The following CSMD2 variants were observed in gnomAD, a reference collection of about 807,000 sequenced individuals.
The protein encoded by CSMD2 is CUB and Sushi multiple domains 2.
Under a neutral mutation model 398.5 loss-of-function variants are expected in CSMD2, and 130 were observed. The observed-to-expected ratio is 0.33, with a 90% CI of 0.28 to 0.38. The LOEUF (loss-of-function observed/expected upper bound fraction) is 0.38. CSMD2 is among the 10% of genes least tolerant of loss of function. CSMD2 has a pLI of 1.00. For synonymous variants in CSMD2, 1,828 were observed against 1,908.5 expected, an observed-to-expected ratio of 0.96 and a Z score of 1.10; for missense variants, 3,829 against 4,764.9, an observed-to-expected ratio of 0.80 and a Z score of 5.78.
chr1:33,980,326 A>T (rs184963519), intron 3 of CSMD2, among the ~76,000 whole-genome samples: 1 of 152,262 alleles, frequency 6.6e-6, no homozygotes, highest in African/African-American at 2.4e-5. Flanking sequence ...GGTTGCAGGA[A>T]GGGTAGCTGT....
chr1:33,604,117 G>C (rs895226649), intron 42 of CSMD2, among the ~76,000 whole-genome samples: 4 of 152,304 alleles, frequency 2.6e-5, no homozygotes, highest in Admixed American at 6.5e-5. Flanking sequence ...AGGAAGAACA[G>C]CTTCTGGCTC....
Position 33,864,607 on chromosome 1 carries a change from A to C in CSMD2, c.921-17611T>G, listed in dbSNP as rs146944624. ...TGGTCAACAGCGACAGACCTGGAGAAGCACCCTTATGAGCAAAGAGTGGCT... is the reference window on the plus strand; with the variant it reads ...TGGTCAACAGCGACAGACCTGGAGACGCACCCTTATGAGCAAAGAGTGGCT... On this transcript the variant is annotated intron_variant, in intron 5 of 70. Transcript: ENST00000373381. The C allele has an allele frequency of 3.7e-6, 6 of 1,613,930 alleles. No individual in the cohort carries two copies. The African/African-American group carries it at 6.7e-5, about 18-fold the overall frequency.
At chr1:33,936,904 G>T (rs1478043722) in intron 3 of CSMD2, among the ~76,000 whole-genome samples, 1 of 152,156 alleles carries the variant, frequency 6.6e-6, no homozygotes, top group Non-Finnish European at 1.5e-5. Flanking sequence ...AATCCACCTG[G>T]CAATGACTTA....
intron 6 of CSMD2, chr1:33,839,115 GA>G: frequency 6.6e-6 from 1 of 152,340 alleles, no homozygotes; most frequent in Non-Finnish European, 1.5e-5. Flanking sequence ...GTAAAGGACA[GA>G]AAAATACTGA....
chr1:33,628,078 T>C (rs1176322366), intron 32 of CSMD2, among the ~76,000 whole-genome samples: 2 of 152,172 alleles, frequency 1.3e-5, no homozygotes, highest in African/African-American at 4.8e-5. Flanking sequence ...AGATGTTCAG[T>C]CATGGTTGTC....
chr1:33,557,545 G>A (rs1019736106), intron 55 of CSMD2, among the ~76,000 whole-genome samples, 189 bp downstream of exon 55: 4 of 151,618 alleles, frequency 2.6e-5, no homozygotes, highest in African/African-American at 9.7e-5. Flanking sequence ...CCCAACAGAG[G>A]CTCAAGAAGG....
intron 2 of CSMD2, among the ~76,000 whole-genome samples, chr1:34,057,453 T>C (rs1653964684): frequency 6.6e-6 from 1 of 152,148 alleles, no homozygotes; most frequent in African/African-American, 2.4e-5. Flanking sequence ...GTGGAGGCGA[T>C]GCCCTGGCAA....
At chr1:33,734,723 T>C (rs1011446348) in intron 15 of CSMD2, among the ~76,000 whole-genome samples, 2 of 150,080 alleles carry the variant, frequency 1.3e-5, no homozygotes, top group African/African-American at 4.9e-5. Context: ...AGGCAGAGGC[T>C]GCAGTGAGCT....
chr1:33,920,118 T>G (rs1485886037), intron 4 of CSMD2, among the ~76,000 whole-genome samples: 3 of 151,976 alleles, frequency 2.0e-5, no homozygotes, highest in African/African-American at 7.3e-5. Flanking sequence ...GAGCCAAGAC[T>G]TGAAGGAATG....
At chr1:34,009,361 A>G (rs374643222) in intron 3 of CSMD2, among the ~76,000 whole-genome samples, 2 of 145,306 alleles carry the variant, frequency 1.4e-5, no homozygotes, top group East Asian at 2.3e-4. Flanking sequence ...GGGTGGGGGA[A>G]GGTGGAAGGG....
chr1:33,993,525 C>T (rs1225669441), intron 3 of CSMD2, among the ~76,000 whole-genome samples: 2 of 151,982 alleles, frequency 1.3e-5, no homozygotes, highest in Non-Finnish European at 2.9e-5. Flanking sequence ...CCTTCTCTAT[C>T]AGCAAGTCCA....
At chr1:33,907,992 C>G (rs796365367) in intron 5 of CSMD2, among the ~76,000 whole-genome samples, 54 of 139,062 alleles carry the variant, frequency 3.9e-4, no homozygotes, top group African/African-American at 1.5e-3. Flanking sequence ...GAGGCCGAGA[C>G]AAGAGAATCA....
At chr1:33,676,014 TAAA>T (rs1253640612) in intron 25 of CSMD2, among the ~76,000 whole-genome samples, 2 of 152,126 alleles carry the variant, frequency 1.3e-5, no homozygotes, top group Non-Finnish European at 2.9e-5. Context: ...ACTGAATGGA[TAAA>T]AACTGGAAGC....
intron 57 of CSMD2, 138 bp from the exon 58 acceptor site, chr1:33,543,034 C>T (rs774554940): frequency 3.7e-4 from 231 of 631,768 alleles, no homozygotes; most frequent in Non-Finnish European, 5.4e-4. Context: ...GCTTTTGTAT[C>T]GAATTATCTT....
At chr1:34,042,184 A>G (rs995170881) in intron 2 of CSMD2, among the ~76,000 whole-genome samples, 1 of 152,244 alleles carries the variant, frequency 6.6e-6, no homozygotes, top group African/African-American at 2.4e-5. Context: ...ATAGAAAAAC[A>G]TAGAAGACAG....
chr1:33,733,976 C>T (rs1025743483), intron 15 of CSMD2, among the ~76,000 whole-genome samples: 11 of 152,194 alleles, frequency 7.2e-5, no homozygotes, highest in African/African-American at 2.2e-4. Context: ...AACGTCAACT[C>T]ACCTCACTGT....
intron 3 of CSMD2, among the ~76,000 whole-genome samples, chr1:33,997,272 T>G (rs2148018552): frequency 6.6e-6 from 1 of 152,340 alleles, no homozygotes; most frequent in Non-Finnish European, 1.5e-5. Context: ...CCCAGTGGAA[T>G]GGCTCAGTGA....
chr1:33,836,717 C>T (rs571177397), intron 6 of CSMD2, among the ~76,000 whole-genome samples: 45 of 152,292 alleles, frequency 3.0e-4, no homozygotes, highest in African/African-American at 1.1e-3. Flanking sequence ...CGGAAAAGCA[C>T]ATTATTAGGG....
chr1:33,725,977 A>T (rs1351965166), intron 16 of CSMD2, among the ~76,000 whole-genome samples: 2 of 152,096 alleles, frequency 1.3e-5, no homozygotes, highest in Non-Finnish European at 2.9e-5. Flanking sequence ...GCAAGTAGGC[A>T]AGTGGCCCAC....
Sources: gnomAD v4.1 joint callset for allele counts (sites outside exome capture counted in the v4.1 genomes callset) on GRCh38, gnomAD v4.1.1 for gene constraint, MANE v1.5 for transcripts, NCBI Gene and HGNC (gene_info 2026-07-23, HGNC 2026-07-21) for gene names.